TMEM114: variants seen among roughly 807,000 people sequenced by gnomAD.
The protein encoded by TMEM114 is claudin-26.
A neutral mutation model predicts 6.2 loss-of-function variants in TMEM114; 6 were observed. The observed-to-expected ratio is 0.97, with a 90% CI of 0.53 to 1.91. The LOEUF is 1.91. TMEM114 is among the 40% of genes most tolerant of loss of function. TMEM114 has a pLI of 0.01. For missense variants in TMEM114, 218 were observed against 158.3 expected (o/e 1.38, Z -2.02); for synonymous variants, 104 against 73.0 (o/e 1.42, Z -2.16).
At chr16:8,530,492 G>A in the TMEM114 span, among the ~76,000 whole-genome samples, 7 of 152,176 alleles carry the variant, frequency 4.6e-5, no homozygotes, top group East Asian at 1.2e-3. Flanking sequence ...AGCTAATGTA[G>A]CCAATGGAAA....
At chr16:8,542,142 T>TC (rs1555461288) in intron 2 of TMEM114, among the ~76,000 whole-genome samples, 3 of 150,128 alleles carry the variant, frequency 2.0e-5, no homozygotes, top group Non-Finnish European at 4.4e-5. Flanking sequence ...GGATGATTCG[T>TC]GGGGGGGGGT....
At chr16:8,569,090 G>A (rs377307831), downstream of TMEM114, among the ~76,000 whole-genome samples, 2 of 152,176 alleles carry the variant, frequency 1.3e-5, no homozygotes, top group African/African-American at 2.4e-5. Context: ...AGTCTGGGGC[G>A]CGCTAAATGT....
chr16:8,538,592 C>T (rs982185401), intron 2 of TMEM114, among the ~76,000 whole-genome samples: 1 of 152,010 alleles, frequency 6.6e-6, no homozygotes, highest in African/African-American at 2.4e-5. Flanking sequence ...ACTGCAAACT[C>T]CACATCTTGG....
chr16:8,553,295 T>C (rs1178571500), intron 2 of TMEM114, among the ~76,000 whole-genome samples: 1 of 152,218 alleles, frequency 6.6e-6, no homozygotes, highest in African/African-American at 2.4e-5. Flanking sequence ...CTGGAAAATC[T>C]GGCCACGGGT....
intron 2 of TMEM114, among the ~76,000 whole-genome samples, chr16:8,554,157 A>T (rs1237113981): frequency 6.6e-6 from 1 of 152,002 alleles, no homozygotes; most frequent in African/African-American, 2.4e-5. Context: ...CTTCACTGTA[A>T]CAGAACAATA....
intron 2 of TMEM114, among the ~76,000 whole-genome samples, chr16:8,586,889 A>T (rs922892769): frequency 1.3e-5 from 2 of 152,200 alleles, no homozygotes; most frequent in African/African-American, 4.8e-5. Context: ...AGAACAGAGC[A>T]CACGGTACCT....
At chr16:8,574,134 C>G (rs1226585742) in intron 2 of TMEM114, among the ~76,000 whole-genome samples, 1 of 152,154 alleles carries the variant, frequency 6.6e-6, no homozygotes, top group African/African-American at 2.4e-5. Context: ...ATATAGACGT[C>G]AGAGCCGGAT....
intron 2 of TMEM114, among the ~76,000 whole-genome samples, chr16:8,573,450 G>A (rs926394464): frequency 3.3e-5 from 5 of 152,126 alleles, no homozygotes; most frequent in African/African-American, 1.2e-4. Context: ...TGACAAGAAA[G>A]TCAAGACCCA....
At chr16:8,563,225 G>A (rs1901345807) in intron 2 of TMEM114, among the ~76,000 whole-genome samples, 1 of 151,704 alleles carries the variant, frequency 6.6e-6, no homozygotes, top group Non-Finnish European at 1.5e-5. Flanking sequence ...AAATAAGTAA[G>A]TGAATGAGTG....
rs539322362 is a variant in TMEM114, at chr16:8,539,703, T to A, written n.213-1877A>T. 8.5e-5 allele frequency among the ~76,000 whole-genome samples: 13 copies of A among 152,074 alleles called. No homozygotes were observed. The East Asian group carries it at 2.3e-3, about 27-fold the overall frequency. On this transcript the variant is annotated intron_variant and non_coding_transcript_variant, in intron 2 of 2. Transcript: ENST00000623677. The stretch of plus-strand genomic sequence containing the variant: ...CCACAAGCAAGACAGATGTTGTTCA[T>A]ATAGATCTCATGTCCCATAGCAATA...
chr16:8,571,523 A>G (rs373265383), intron 3 of TMEM114, among the ~76,000 whole-genome samples: 31 of 152,228 alleles, frequency 2.0e-4, no homozygotes, highest in African/African-American at 7.2e-4. Flanking sequence ...CGCCCAATAG[A>G]TCACTGAACT....
chr16:8,547,642 C>G (rs546749850), intron 2 of TMEM114, among the ~76,000 whole-genome samples: 1 of 152,112 alleles, frequency 6.6e-6, no homozygotes. Flanking sequence ...CCACCCGCCT[C>G]GGCCTCCCAA....
downstream of TMEM114, among the ~76,000 whole-genome samples, chr16:8,566,253 T>C (rs950084575): frequency 2.0e-5 from 3 of 152,002 alleles, no homozygotes; most frequent in Non-Finnish European, 4.4e-5. Flanking sequence ...GGTGCGTGCC[T>C]GTAGTCCCAG....
In TMEM114 at chr16:8,564,221, GTGAATGAGTGAGTTA is replaced by G. The variant is rs1567203544; in HGVS notation, n.212+24977_212+24991del. ...AGTGAGTGGGTGAATGAGTGAGTTAGTGAATGAGTGAGTTAGTGAATGAGTGAGTGAGTGAATGAG... is the reference window on the plus strand; with the variant it reads ...AGTGAGTGGGTGAATGAGTGAGTTAGGTGAATGAGTGAGTGAGTGAATGAG... On this transcript the variant is annotated intron_variant and non_coding_transcript_variant, in intron 2 of 2. Coordinates refer to the TMEM114 transcript ENST00000623677. 3.2e-3 allele frequency among the ~76,000 whole-genome samples: 50 copies of G among 15,480 alleles called. 1 individual carries two copies. Among genetic ancestry groups the G allele is most frequent in the Middle Eastern group, 0.045 (1 of 22 alleles). 10.2% of individuals were successfully genotyped at this position (15,480 alleles called of 152,430 possible).
intron 2 of TMEM114, among the ~76,000 whole-genome samples, chr16:8,555,801 G>A (rs539515561): frequency 6.6e-6 from 1 of 152,312 alleles, no homozygotes; most frequent in African/African-American, 2.4e-5. Context: ...GTGGAATCCA[G>A]GGATTCTGCC....
chr16:8,553,400 G>A (rs1285602827), intron 2 of TMEM114, among the ~76,000 whole-genome samples: 1 of 152,154 alleles, frequency 6.6e-6, no homozygotes, highest in African/African-American at 2.4e-5. Context: ...TCAAGGACTT[G>A]AATCTTTTTT....
intron 2 of TMEM114, among the ~76,000 whole-genome samples, chr16:8,556,720 C>G (rs553125351): frequency 6.6e-6 from 1 of 152,160 alleles, no homozygotes. Context: ...CCAGGCTGGT[C>G]TCGAACTCCT....
At chr16:8,549,410 G>T (rs2141657016) in intron 2 of TMEM114, among the ~76,000 whole-genome samples, 1 of 149,724 alleles carries the variant, frequency 6.7e-6, no homozygotes, top group East Asian at 2.0e-4. Context: ...TGAGGAAGGA[G>T]AATCGCTTGA....
At chr16:8,576,709 A>G (rs541332464) in intron 2 of TMEM114, among the ~76,000 whole-genome samples, 2 of 1,626 alleles carry the variant, frequency 1.2e-3, no homozygotes, top group South Asian at 0.029. Flanking sequence ...GAGAGCAGGA[A>G]GGAAGGAAGG....
Sources: gnomAD v4.1 joint callset for allele counts (sites outside exome capture counted in the v4.1 genomes callset) on GRCh38, gnomAD v4.1.1 for gene constraint, MANE v1.5 for transcripts, NCBI Gene and HGNC (gene_info 2026-07-23, HGNC 2026-07-21) for gene names.